ADAMTS18: variants seen among roughly 807,000 people sequenced by gnomAD.
The protein encoded by ADAMTS18 is ADAM metallopeptidase with thrombospondin type 1 motif 18.
A neutral mutation model predicts 165.9 loss-of-function variants in ADAMTS18; 157 were observed. That is an observed-to-expected ratio of 0.95 (90% CI 0.83 to 1.08). The LOEUF (loss-of-function observed/expected upper bound fraction) is 1.08. ADAMTS18 is among the 50% of genes least tolerant of loss of function. The pLI is 0.00. For missense variants in ADAMTS18, 2,040 were observed against 1,534.0 expected (o/e 1.33, Z -5.51); for synonymous variants, 782 against 578.2 (o/e 1.35, Z -5.06).
chr16:77,318,918 G>T (rs1276344274), intron 16 of ADAMTS18, among the ~76,000 whole-genome samples: 1 of 152,146 alleles, frequency 6.6e-6, no homozygotes, highest in African/African-American at 2.4e-5. Context: ...TCGCTTGCTT[G>T]TAAGAGCCAA....
At chr16:77,365,561 G>A (rs1176426219) in intron 4 of ADAMTS18, among the ~76,000 whole-genome samples, 1 of 152,180 alleles carries the variant, frequency 6.6e-6, no homozygotes, top group Non-Finnish European at 1.5e-5. Flanking sequence ...AACTGGCAAA[G>A]GGTGCGCACC....
At chr16:77,367,985 TC>T (rs1224830414) in intron 3 of ADAMTS18, among the ~76,000 whole-genome samples, 1 of 152,124 alleles carries the variant, frequency 6.6e-6, no homozygotes, top group Non-Finnish European at 1.5e-5. Context: ...CAAGTGATCC[TC>T]CCAGCTCAGC....
intron 3 of ADAMTS18, among the ~76,000 whole-genome samples, chr16:77,399,617 G>A (rs973321814): frequency 1.3e-5 from 2 of 152,086 alleles, no homozygotes; most frequent in Admixed American, 6.6e-5. Context: ...TGTTTCAATC[G>A]AGAAATGGAG....
At position 77,336,669 on chromosome 16, in the gene ADAMTS18, G is replaced by T. The variant is rs528984721; in HGVS notation, c.1711-765C>A. On this transcript the variant is annotated intron_variant, in intron 11 of 22. Coordinates refer to ENST00000282849, the MANE Select transcript of ADAMTS18 (RefSeq NM_199355.4). ...CAAGCTAGATGGAGAGCTTTTTTCT[G>T]TATTAACCTTTCCATTTTAGTTCTC... 6.4e-4 allele frequency among the ~76,000 whole-genome samples: 97 copies of T among 152,264 alleles called. 2 individuals are homozygous for T. Among genetic ancestry groups the T allele is most frequent in the African/African-American group, 2.3e-3 (95 of 41,558 alleles).
intron 7 of ADAMTS18, among the ~76,000 whole-genome samples, chr16:77,361,822 T>C (rs1253984087): frequency 6.6e-6 from 1 of 151,998 alleles, no homozygotes; most frequent in Non-Finnish European, 1.5e-5. Context: ...AGGCGGAGGT[T>C]GTAGTGAACC....
chr16:77,305,958 T>C (rs2055674260), intron 16 of ADAMTS18, among the ~76,000 whole-genome samples: 1 of 152,242 alleles, frequency 6.6e-6, no homozygotes, highest in South Asian at 2.1e-4. Flanking sequence ...TCCATTGCTT[T>C]TCTCAGCATT....
intron 3 of ADAMTS18, among the ~76,000 whole-genome samples, chr16:77,371,593 T>A (rs2056877093): frequency 6.6e-6 from 1 of 152,180 alleles, no homozygotes; most frequent in South Asian, 2.1e-4. Context: ...AGAATGAAAT[T>A]TGACTCTTAC....
chr16:77,286,677 C>T (rs907202431), intron 22 of ADAMTS18, among the ~76,000 whole-genome samples: 1 of 151,960 alleles, frequency 6.6e-6, no homozygotes, highest in Non-Finnish European at 1.5e-5. Flanking sequence ...ATGCTGCCTG[C>T]CCCCATCTGA....
At position 77,300,170 on chromosome 16, in the gene ADAMTS18, T is replaced by C. The variant is rs1224044845; in HGVS notation, c.2674+93A>G. 3.4e-6 allele frequency: 5 copies of C among 1,480,082 alleles called. No individual in the cohort carries two copies. In the African/African-American group the frequency reaches 5.6e-5, roughly 16 times the overall value. The allele number at this position is 1,480,082 out of a possible 1,614,324, so 91.7% of individuals were successfully genotyped here. A position where few individuals can be genotyped will look rare whatever the true frequency, so the allele number is the denominator to read the frequency against. The stretch of plus-strand genomic sequence containing the variant: ...TCATAAAAGACAGTTCTTGGGTGGC[T>C]TATTTAAACCATATTATGTTAAAGA... On this transcript the variant is annotated intron_variant, in intron 17 of 22. Transcript: ENST00000282849.
At chr16:77,364,906 C>A (rs2080225057) in intron 4 of ADAMTS18, among the ~76,000 whole-genome samples, 1 of 151,818 alleles carries the variant, frequency 6.6e-6, no homozygotes, top group Non-Finnish European at 1.5e-5. Flanking sequence ...AGGAGTTTGA[C>A]ACCAGCCTGG....
At chr16:77,374,016 A>C (rs150254572) in intron 3 of ADAMTS18, among the ~76,000 whole-genome samples, 27 of 152,178 alleles carry the variant, frequency 1.8e-4, no homozygotes, top group African/African-American at 6.5e-4. Flanking sequence ...GTCAGGAGTT[A>C]TAGACCAGCC....
At chr16:77,284,549 T>G (rs2144544347) in intron 22 of ADAMTS18, among the ~76,000 whole-genome samples, 1 of 151,968 alleles carries the variant, frequency 6.6e-6, no homozygotes, top group South Asian at 2.1e-4. Context: ...TTTTTCCCAT[T>G]AAACATTGGG....
At chr16:77,292,360 T>A (rs986985133) in intron 20 of ADAMTS18, among the ~76,000 whole-genome samples, 1 of 152,166 alleles carries the variant, frequency 6.6e-6, no homozygotes, top group Non-Finnish European at 1.5e-5. Context: ...AAGGCCCTCA[T>A]GATTTTTCCA....
At chr16:77,380,624 G>A (rs762627284) in intron 3 of ADAMTS18, among the ~76,000 whole-genome samples, 11 of 152,158 alleles carry the variant, frequency 7.2e-5, no homozygotes, top group Non-Finnish European at 1.0e-4. Context: ...ATGTAAAAAT[G>A]TTAAAATGCA....
chr16:77,313,222 C>G (rs1242728278), intron 16 of ADAMTS18, among the ~76,000 whole-genome samples: 1 of 151,950 alleles, frequency 6.6e-6, no homozygotes, highest in East Asian at 1.9e-4. Flanking sequence ...CATGTTCTCA[C>G]TCATAGGTGG....
chr16:77,395,964 G>C (rs546154068), intron 3 of ADAMTS18, among the ~76,000 whole-genome samples: 2 of 152,146 alleles, frequency 1.3e-5, no homozygotes, highest in South Asian at 4.1e-4. Flanking sequence ...GAGTCAGGCA[G>C]GGTACCCAGC....
chr16:77,413,753 A>G (rs2057494527), intron 3 of ADAMTS18, among the ~76,000 whole-genome samples: 1 of 151,364 alleles, frequency 6.6e-6, no homozygotes, highest in African/African-American at 2.4e-5. Context: ...TAACTAAGAA[A>G]GTTATTACAA....
intron 10 of ADAMTS18, among the ~76,000 whole-genome samples, chr16:77,351,494 G>C (rs559109009): frequency 3.3e-5 from 5 of 152,138 alleles, no homozygotes; most frequent in Non-Finnish European, 7.4e-5. Context: ...GGTTCTGAAG[G>C]AATGATAGTA....
intron 12 of ADAMTS18, among the ~76,000 whole-genome samples, chr16:77,330,130 C>T (rs970538727): frequency 2.6e-5 from 4 of 152,192 alleles, no homozygotes; most frequent in African/African-American, 9.6e-5. Context: ...CCAGCTGAGC[C>T]GTGATATTAC....
Sources: allele counts gnomAD v4.1 joint callset (sites outside exome capture counted in the v4.1 genomes callset), GRCh38; gene constraint gnomAD v4.1.1; transcripts MANE v1.5; gene names NCBI Gene and HGNC (gene_info 2026-07-23, HGNC 2026-07-21).